YTHDC1: variants seen among roughly 807,000 people sequenced by gnomAD.
YTHDC1 encodes YTH domain-containing protein 1.
Under a neutral mutation model 107.0 loss-of-function variants are expected in YTHDC1, and 12 were observed. That is an observed-to-expected ratio of 0.11 (90% confidence interval 0.07 to 0.18). The LOEUF is 0.18. Among genes scored for constraint, YTHDC1 ranks in the 10% least tolerant of loss-of-function variants. The probability of loss-of-function intolerance (pLI) is 1.00; values close to 1 mark genes in which losing one functional copy is unlikely to be tolerated. For synonymous variants in YTHDC1, 280 were observed against 289.5 expected (o/e 0.97, Z 0.33); for missense variants, 635 against 898.8 (o/e 0.71, Z 3.75).
intron 4 of YTHDC1, among the ~76,000 whole-genome samples, chr4:68,334,511 A>C (rs1723937559): frequency 6.6e-6 from 1 of 152,164 alleles, no homozygotes; most frequent in Admixed American, 6.5e-5. Context: ...CTCTGGCTTG[A>C]GCAAGTAGAA....
intron 1 of YTHDC1, among the ~76,000 whole-genome samples, chr4:68,346,896 T>C (rs1056122557): frequency 3.4e-4 from 51 of 152,202 alleles, no homozygotes; most frequent in African/African-American, 1.2e-3. Context: ...GTAATATCCA[T>C]TGTTTCAGGT....
intron 7 of YTHDC1, among the ~76,000 whole-genome samples, chr4:68,331,582 C>T (rs1723587031): frequency 6.6e-6 from 1 of 152,048 alleles, no homozygotes; most frequent in African/African-American, 2.4e-5. Context: ...TATCTTACAA[C>T]ATCCTACAGC....
intron 1 of YTHDC1, among the ~76,000 whole-genome samples, chr4:68,338,998 T>C (rs1472692899): frequency 6.6e-6 from 1 of 152,228 alleles, no homozygotes; most frequent in Non-Finnish European, 1.5e-5. Context: ...ATTTCTAATA[T>C]TTCTGAGGGC....
rs1721419834 is a variant in YTHDC1 at position 68,312,976 on chromosome 4, CA to C, written c.*1122del. 1 of 152,078 alleles carries C rather than the reference CA, an allele frequency of 6.6e-6. No homozygotes were observed. The highest frequency in any genetic ancestry group is 1.5e-5 in the Non-Finnish European group (1 of 68,002). 9.4% of individuals were successfully genotyped at this position (152,078 alleles called of 1,614,324 possible). ...AACTAATACAAGAGGGTTAAAAGTC[CA>C]TTTATGAAGTAAAGTAGAAAGCATG... On this transcript the variant is annotated 3_prime_UTR_variant, in exon 17 of 17. Coordinates refer to ENST00000344157, the MANE Select transcript of YTHDC1 (RefSeq NM_001031732.4).
intron 15 of YTHDC1, among the ~76,000 whole-genome samples, chr4:68,318,206 T>TC (rs1560472352): frequency 6.6e-6 from 1 of 152,230 alleles, no homozygotes; most frequent in Admixed American, 6.5e-5. Context: ...GAAGCAATTC[T>TC]CCTGCCTCAG....
chr4:68,319,191 TA>T lies in YTHDC1; in HGVS notation c.1685-330del, dbSNP rs1182869733. ...GGCAGAGGAACTATCTTGAGCACAC[TA>T]TGACAGGACTTCCTTAAAACAAATG... is the stretch of plus-strand genomic sequence containing the variant. On this transcript the variant is annotated intron_variant, in intron 12 of 16. Transcript: ENST00000344157. Among the ~76,000 whole-genome samples the T allele has an allele frequency of 2.0e-5, 3 of 152,314 alleles. No homozygotes were observed. In the East Asian group the frequency reaches 5.8e-4, roughly 29 times the overall value.
rs1190398734 is a variant in YTHDC1 at position 68,337,588 on chromosome 4, G to A, written c.443C>T (p.Thr148Met). Residue 148 changes from threonine to methionine, a missense_variant, in exon 3 of 17, where the codon ACG becomes ATG. Physicochemically the swap from Thr to Met is moderately conservative, Grantham distance 81. This residue lies in a region of YTHDC1 where 294 missense variants were observed against 312.3 expected (regional missense o/e 0.94). Coordinates refer to ENST00000344157, the MANE Select transcript of YTHDC1 (RefSeq NM_001031732.4). ...ATTTACTACCTCAGAACCATCTGGC[G>A]TAGGAGATTTGGCCCTCCTTTCAGG... is the stretch of plus-strand genomic sequence containing the variant. ...RDPERRAKSP[T>M]PDGSERIGLE... 1.1e-5 allele frequency: 18 copies of A among 1,609,414 alleles called. No homozygotes were observed. The highest frequency in any genetic ancestry group is 1.7e-5 in the Admixed American group (1 of 58,754).
In YTHDC1 at chr4:68,333,335, C is replaced by T. The variant is rs1218194830; in HGVS notation, c.946G>A (p.Gly316Arg). Residue 316 changes from glycine to arginine, a missense_variant, in exon 5 of 17, where the codon GGA (glycine) becomes AGA (arginine). By Grantham distance (125) the Gly-to-Arg change is moderately radical. Coordinates refer to ENST00000344157, the MANE Select transcript of YTHDC1 (RefSeq NM_001031732.4). ...GISPIVFDRS[G>R]SSASESYAGS... ...GCATATGACTCTGATGCAGAGCTTC[C>T]ACTTCTATCAAAAACAATTGGAGAT... is the stretch of plus-strand genomic sequence containing the variant. The T allele has an allele frequency of 6.2e-7, 1 of 1,612,790 alleles. No homozygotes were observed. The highest frequency in any genetic ancestry group is 1.7e-5 in the Admixed American group (1 of 59,916).
chr4:68,335,967 T>C (rs1724109778), intron 4 of YTHDC1, among the ~76,000 whole-genome samples: 1 of 149,470 alleles, frequency 6.7e-6, no homozygotes, highest in Non-Finnish European at 1.5e-5. Flanking sequence ...CTATACTGTA[T>C]GTAGTATAGA....
chr4:68,330,452 T>G, intron 7 of YTHDC1, 142 bp from the exon 8 acceptor site: 1 of 516,900 alleles, frequency 1.9e-6, no homozygotes, highest in East Asian at 3.1e-5. Flanking sequence ...ATTTATCAGC[T>G]GTCAGAATAA....
At chr4:68,319,315 A>C (rs1340548495) in intron 12 of YTHDC1, among the ~76,000 whole-genome samples, 2 of 152,184 alleles carry the variant, frequency 1.3e-5, no homozygotes, top group African/African-American at 4.8e-5. Flanking sequence ...AAAATTGCAA[A>C]AGTTGCAAAA....
chr4:68,333,813 AATTCTG>A (rs1723858764), intron 4 of YTHDC1, among the ~76,000 whole-genome samples: 1 of 152,088 alleles, frequency 6.6e-6, no homozygotes, highest in Admixed American at 6.6e-5. Context: ...GCACAATTAC[AATTCTG>A]ATTCTATCTT....
At chr4:68,342,342 T>C (rs1445873653) in intron 1 of YTHDC1, among the ~76,000 whole-genome samples, 1 of 152,186 alleles carries the variant, frequency 6.6e-6, no homozygotes, top group East Asian at 1.9e-4. Context: ...TACTCATTAC[T>C]ATGGCAACCA....
At chr4:68,331,943 GCTGA>G (rs1485675820) in intron 7 of YTHDC1, among the ~76,000 whole-genome samples, 156 bp downstream of exon 7, 3 of 151,472 alleles carry the variant, frequency 2.0e-5, no homozygotes, top group African/African-American at 4.9e-5. Flanking sequence ...TTACAAGTAG[GCTGA>G]CTGACTACAA....
intron 4 of YTHDC1, among the ~76,000 whole-genome samples, chr4:68,335,157 T>C (rs1025967229): frequency 6.6e-6 from 1 of 152,104 alleles, no homozygotes; most frequent in African/African-American, 2.4e-5. Context: ...ATTCTGAGAA[T>C]AAGGTAAAAT....
At chr4:68,329,441 T>C (rs1723341775) in intron 9 of YTHDC1, among the ~76,000 whole-genome samples, 1 of 152,230 alleles carries the variant, frequency 6.6e-6, no homozygotes, top group Non-Finnish European at 1.5e-5. Flanking sequence ...ATTTTACAGG[T>C]AATACATTTG....
intron 7 of YTHDC1, among the ~76,000 whole-genome samples, chr4:68,331,098 T>C (rs1030476425): frequency 2.6e-5 from 4 of 152,148 alleles, no homozygotes; most frequent in African/African-American, 4.8e-5. Context: ...GTATAACCCA[T>C]GCATATACTC....
intron 16 of YTHDC1, among the ~76,000 whole-genome samples, chr4:68,315,618 AT>A (rs750115290): frequency 3.3e-5 from 5 of 151,068 alleles, no homozygotes; most frequent in Admixed American, 1.3e-4. Context: ...TAAAAGTACT[AT>A]TGGGGGGGGT....
chr4:68,316,214 G>T, intron 16 of YTHDC1, 100 bp downstream of exon 16: 1 of 1,317,040 alleles, frequency 7.6e-7, no homozygotes, highest in South Asian at 1.6e-5. Context: ...GTAAGAATAT[G>T]CAATGGTCCG....
Sources: allele counts gnomAD v4.1 joint callset (sites outside exome capture counted in the v4.1 genomes callset), GRCh38; gene constraint gnomAD v4.1.1; regional missense constraint gnomAD v4.1.1; transcripts MANE v1.5; gene names NCBI Gene and HGNC (gene_info 2026-07-23, HGNC 2026-07-21).